FZD3: variants seen among roughly 807,000 people sequenced by gnomAD.
FZD3 encodes frizzled class receptor 3.
In FZD3, 30 loss-of-function variants were observed where a neutral mutation model predicts 60.7. The observed-to-expected ratio is 0.49, with a 90% confidence interval of 0.37 to 0.67. The LOEUF (loss-of-function observed/expected upper bound fraction) is 0.67, where lower values mean the gene tolerates loss of function less well. Among genes scored for constraint, FZD3 ranks in the 30% least tolerant of loss-of-function variants. The pLI, the probability that FZD3 is intolerant of heterozygous loss-of-function variation, is 0.00. For synonymous variants in FZD3, 246 were observed against 275.2 expected (o/e 0.89, Z 1.05); for missense variants, 605 against 838.7 (o/e 0.72, Z 3.44).
intron 5 of FZD3, among the ~76,000 whole-genome samples, chr8:28,550,481 C>CTTTT (rs386412443): frequency 7.3e-4 from 25 of 34,344 alleles, no homozygotes; most frequent in Admixed American, 2.6e-3. Flanking sequence ...CTTCTTTTAT[C>CTTTT]TTTTTTTTTT....
chr8:28,510,473 ATGTT>A lies in FZD3; in HGVS notation c.189+7281_189+7284del, dbSNP rs1369340931. ...AGCTTTACCAAAATAATATGTTGTC[ATGTT>A]TGTTTGTTTTAAACCAGTATGATAG... On this transcript the variant is annotated intron_variant, in intron 3 of 7. Coordinates refer to ENST00000240093, the MANE Select transcript of FZD3 (RefSeq NM_017412.4). Among the ~76,000 whole-genome samples the A allele has an allele frequency of 3.1e-4, 47 of 152,320 alleles. 2 individuals carry two copies. The highest frequency in any genetic ancestry group is 6.2e-4 in the South Asian group (3 of 4,828).
At position 28,540,233 on chromosome 8, in the gene FZD3, A is replaced by G. The variant is rs117315053; in HGVS notation, c.1405-11370A>G. 7.5e-3 allele frequency among the ~76,000 whole-genome samples: 1,147 copies of G among 152,184 alleles called. 9 individuals carry two copies. The highest frequency in any genetic ancestry group is 0.012 in the Non-Finnish European group (843 of 68,010). On this transcript the variant is annotated intron_variant, in intron 5 of 7. Coordinates refer to ENST00000240093, the MANE Select transcript of FZD3 (RefSeq NM_017412.4). ...GTAGATCAAAGAAATACATCAGGTAAGTTTTGTTTTTTCTGAGACAGAGTC... is the reference window on the plus strand; with the variant it reads ...GTAGATCAAAGAAATACATCAGGTAGGTTTTGTTTTTTCTGAGACAGAGTC...
chr8:28,562,147 TC>T (rs1805624228), intron 7 of FZD3, among the ~76,000 whole-genome samples: 1 of 152,156 alleles, frequency 6.6e-6, no homozygotes, highest in African/African-American at 2.4e-5. Context: ...GGATGTAACT[TC>T]CAAGCAGATG....
intron 5 of FZD3, among the ~76,000 whole-genome samples, chr8:28,539,228 A>G (rs1419171303): frequency 6.6e-6 from 1 of 152,158 alleles, no homozygotes; most frequent in Non-Finnish European, 1.5e-5. Context: ...CCTGACAGGT[A>G]AGCAGCAGCA....
At chr8:28,548,589 G>A (rs1224040898) in intron 5 of FZD3, among the ~76,000 whole-genome samples, 1 of 152,152 alleles carries the variant, frequency 6.6e-6, no homozygotes, top group African/African-American at 2.4e-5. Flanking sequence ...TGAATGATTT[G>A]AAATGTTACT....
At chr8:28,559,957 T>A (rs1228004401) in intron 7 of FZD3, among the ~76,000 whole-genome samples, 4 of 152,184 alleles carry the variant, frequency 2.6e-5, no homozygotes, top group African/African-American at 9.7e-5. Flanking sequence ...TACACATATA[T>A]GTCAGCTTCA....
chr8:28,497,484 A>C (rs1025672272), intron 1 of FZD3, among the ~76,000 whole-genome samples: 4 of 152,196 alleles, frequency 2.6e-5, no homozygotes, highest in African/African-American at 9.7e-5. Context: ...AGAGATAGTT[A>C]TTGCTAATCC....
chr8:28,518,203 C>T (rs1417810444), intron 3 of FZD3, among the ~76,000 whole-genome samples: 1 of 151,108 alleles, frequency 6.6e-6, no homozygotes, highest in East Asian at 1.9e-4. Flanking sequence ...GGACTACAGG[C>T]ATATGCCACC....
rs141433566 is a variant in FZD3 at position 28,517,045 on chromosome 8, A to G, written c.190-3593A>G. Among the ~76,000 whole-genome samples the G allele has an allele frequency of 1.9e-3, 289 of 152,242 alleles. 3 individuals carry two copies. The highest frequency in any genetic ancestry group is 6.6e-3 in the African/African-American group (274 of 41,564). ...TATTCATTTATATTTTCCCACAGTCATCCCTTTTGTTGCTCTTAATTCATT... is the reference window on the plus strand; with the variant it reads ...TATTCATTTATATTTTCCCACAGTCGTCCCTTTTGTTGCTCTTAATTCATT... On this transcript the variant is annotated intron_variant, in intron 3 of 7. Transcript: ENST00000240093.
chr8:28,532,675 A>AATT (rs1331050405), intron 5 of FZD3, among the ~76,000 whole-genome samples: 12 of 151,928 alleles, frequency 7.9e-5, no homozygotes. Context: ...TGGCTTTCTA[A>AATT]AGACTGGGAT....
chr8:28,557,181 C>A (rs1392694926), intron 7 of FZD3, among the ~76,000 whole-genome samples: 1 of 144,910 alleles, frequency 6.9e-6, no homozygotes, highest in Non-Finnish European at 1.5e-5. Flanking sequence ...TGCACTCCAG[C>A]CTGGGCAACA....
At chr8:28,550,536 A>C (rs1805389100) in intron 5 of FZD3, among the ~76,000 whole-genome samples, 1 of 123,872 alleles carries the variant, frequency 8.1e-6, no homozygotes, top group African/African-American at 3.2e-5. Flanking sequence ...CTGTTGCCCA[A>C]GCTGGAGTGC....
chr8:28,503,071 A>G lies in FZD3; in HGVS notation c.58A>G (p.Ile20Val), dbSNP rs1415286849. The change falls in exon 3 of 8, where the codon ATA (isoleucine) becomes GTA (valine). Residue 20 changes from isoleucine (I) to valine (V), a missense_variant. Coordinates refer to ENST00000240093, the MANE Select transcript of FZD3 (RefSeq NM_017412.4). ...GCCCTTGACTGTGTTCATGGGGCATATAGGTGGGCACAGTTTGTTTTCTTG... is the reference window on the plus strand; with the variant it reads ...GCCCTTGACTGTGTTCATGGGGCATGTAGGTGGGCACAGTTTGTTTTCTTG... ...LWPLTVFMGH[I>V]GGHSLFSCEP... 2 of 1,613,824 alleles carry G rather than the reference A, an allele frequency of 1.2e-6. No homozygotes were observed. Among genetic ancestry groups the G allele is most frequent in the Non-Finnish European group, 8.5e-7 (1 of 1,179,726 alleles).
chr8:28,508,839 G>A (rs1306312109), intron 3 of FZD3, among the ~76,000 whole-genome samples: 1 of 152,022 alleles, frequency 6.6e-6, no homozygotes, highest in African/African-American at 2.4e-5. Flanking sequence ...ATTTTATTTA[G>A]CATCTTTAAA....
intron 4 of FZD3, among the ~76,000 whole-genome samples, chr8:28,524,456 T>C (rs1585969066): frequency 1.3e-5 from 2 of 152,376 alleles, no homozygotes; most frequent in South Asian, 4.1e-4. Context: ...TCAGCACTTG[T>C]GCCAAATCTG....
At position 28,527,721 on chromosome 8, in the gene FZD3, A is replaced by G. The variant is rs911191004; in HGVS notation, c.961A>G (p.Ser321Gly). The G allele has an allele frequency of 3.7e-6, 6 of 1,614,028 alleles. No homozygotes were observed. The African/African-American group carries it at 8.0e-5, about 22-fold the overall frequency. ...TTTAGCAGCTGTGCCAAAGTGGGGT[A>G]GTGAAGCTATTGAGAAGAAAGCATT... is the stretch of plus-strand genomic sequence containing the variant. ...WFLAAVPKWG[S>G]EAIEKKALLF... Residue 321 changes from serine (S) to glycine (G), a missense_variant, in exon 5 of 8, where the codon AGT becomes GGT. Coordinates refer to ENST00000240093, the MANE Select transcript of FZD3 (RefSeq NM_017412.4). This position sits in a 1 kb window ranked among gnomAD's most constrained non-coding sequence, Gnocchi z 5.0.
At chr8:28,533,216 T>C (rs1804924276) in intron 5 of FZD3, among the ~76,000 whole-genome samples, 1 of 152,124 alleles carries the variant, frequency 6.6e-6, no homozygotes. Flanking sequence ...TTTTTTTTCT[T>C]TTAGTAGAGA....
At chr8:28,516,256 T>C (rs1258513012) in intron 3 of FZD3, among the ~76,000 whole-genome samples, 4 of 152,248 alleles carry the variant, frequency 2.6e-5, no homozygotes, top group African/African-American at 7.2e-5. Flanking sequence ...CCCATTAAGC[T>C]ACATGTCTGT....
chr8:28,525,201 C>T lies in FZD3; in HGVS notation c.387-1946C>T, dbSNP rs1804685620. 2.0e-5 allele frequency among the ~76,000 whole-genome samples: 3 copies of T among 152,142 alleles called. No homozygotes were observed. The South Asian group carries it at 6.2e-4, about 32-fold the overall frequency. ...AATTGAATGTCTTTGGTGTGCTAGGCACTATTCTAGATGTCGAAGATGAGC... is the reference window on the plus strand; with the variant it reads ...AATTGAATGTCTTTGGTGTGCTAGGTACTATTCTAGATGTCGAAGATGAGC... On this transcript the variant is annotated intron_variant, in intron 4 of 7. Transcript: ENST00000240093.
Sources: gnomAD v4.1 joint callset for allele counts (sites outside exome capture counted in the v4.1 genomes callset) on GRCh38, gnomAD v4.1.1 for gene constraint, Gnocchi (gnomAD v3.1) non-coding constraint, MANE v1.5 for transcripts, NCBI Gene and HGNC (gene_info 2026-07-23, HGNC 2026-07-21) for gene names.